AXIN1: variants seen among roughly 807,000 people sequenced by gnomAD.
AXIN1 encodes the protein axin-1.
In AXIN1, 30 loss-of-function variants were observed where a neutral mutation model predicts 76.4. The observed-to-expected ratio is 0.39, with a 90% CI of 0.29 to 0.53. The LOEUF is 0.53. Among genes scored for constraint, AXIN1 ranks in the 20% least tolerant of loss-of-function variants. The probability of loss-of-function intolerance (pLI) is 0.66; values close to 1 mark genes in which losing one functional copy is unlikely to be tolerated. For synonymous variants in AXIN1, 545 were observed against 501.4 expected (o/e 1.09, Z -1.16); for missense variants, 1,140 against 1,198.8 (o/e 0.95, Z 0.72).
At chr16:344,741 G>T (rs958706730) in intron 2 of AXIN1, among the ~76,000 whole-genome samples, 1 of 152,044 alleles carries the variant, frequency 6.6e-6, no homozygotes, top group Non-Finnish European at 1.5e-5. Flanking sequence ...CGCCCGCCTC[G>T]GCCTCCCAAA....
chr16:343,325 C>T (rs1366090812), intron 2 of AXIN1, among the ~76,000 whole-genome samples: 1 of 152,238 alleles, frequency 6.6e-6, no homozygotes, highest in Non-Finnish European at 1.5e-5. Flanking sequence ...GGGAGGGAGG[C>T]ACTGGGGTTC....
intron 9 of AXIN1, 109 bp downstream of exon 9, chr16:291,081 G>T (rs1016737189): frequency 2.9e-6 from 3 of 1,023,566 alleles, no homozygotes; most frequent in African/African-American, 3.2e-5. Context: ...CTGCTTCTGA[G>T]CGTGGTACCC....
chr16:325,749 G>A (rs554949316), intron 2 of AXIN1, among the ~76,000 whole-genome samples: 30 of 152,284 alleles, frequency 2.0e-4, no homozygotes, highest in African/African-American at 7.0e-4. Context: ...TCCCCAACAC[G>A]GCACCTTGCT....
At chr16:314,909 C>A (rs2053265747) in intron 2 of AXIN1, among the ~76,000 whole-genome samples, 1 of 152,224 alleles carries the variant, frequency 6.6e-6, no homozygotes, top group African/African-American at 2.4e-5. Context: ...CCAGATCTCT[C>A]CTCTGATTTT....
chr16:298,762 T>A (rs1004242303), intron 5 of AXIN1, among the ~76,000 whole-genome samples: 1 of 151,492 alleles, frequency 6.6e-6, no homozygotes, highest in African/African-American at 2.4e-5. Context: ...CTGCCTGCCT[T>A]GGCCTGTATA....
rs1219091123 is a variant in AXIN1, at chr16:287,894, T to A, written c.*228A>T. 2 of 652,538 alleles carry A rather than the reference T, an allele frequency of 3.1e-6. No homozygotes were observed. Among genetic ancestry groups the A allele is most frequent in the Non-Finnish European group, 2.6e-6 (1 of 379,304 alleles). The allele number at this position is 652,538 out of a possible 1,614,324, so 40.4% of individuals were successfully genotyped here. On this transcript the variant is annotated 3_prime_UTR_variant, in exon 11 of 11. Coordinates refer to ENST00000262320, the MANE Select transcript of AXIN1 (RefSeq NM_003502.4). ...CCTCACTTGGGCTGGGCCCTCCAAG[T>A]ATTGCTATGAGGAGTGGTCCAGGCT...
At chr16:303,457 C>T (rs113262784) in intron 5 of AXIN1, among the ~76,000 whole-genome samples, 12,579 of 151,904 alleles carry the variant, frequency 0.083, 667 homozygotes, top group African/African-American at 0.15. Flanking sequence ...TCTTGGCACA[C>T]TGAAGCCTCT....
chr16:312,003 A>G (rs1381865039), intron 3 of AXIN1, among the ~76,000 whole-genome samples: 1 of 152,230 alleles, frequency 6.6e-6, no homozygotes, highest in East Asian at 1.9e-4. Context: ...TGGCTCAGCC[A>G]CGGTGGGCGT....
rs2141706051 is a variant in AXIN1, at chr16:346,703, T to C, written c.323A>G (p.Gln108Arg). ...GTCCAGCAAGTCGGCACAGCCCTCC[T>C]GCTTCAGGAAAGTCCTGAACAGGCT... Reference protein sequence around the residue: ...GISLFRTFLKQEGCADLLDFW... With the variant: ...GISLFRTFLKREGCADLLDFW... The change falls in exon 2 of 11, where the codon CAG becomes CGG. Residue 108 changes from glutamine (Q) to arginine (R), a missense_variant. Physicochemically the swap from Gln to Arg is conservative, Grantham distance 43 (BLOSUM62 1). Around this residue, in one of 3 missense-constraint regions of AXIN1, gnomAD observed 708 missense variants for 776.9 expected, o/e 0.91. Coordinates refer to ENST00000262320, the MANE Select transcript of AXIN1 (RefSeq NM_003502.4). 1 of 1,573,262 alleles carries C rather than the reference T, an allele frequency of 6.4e-7. No homozygotes were observed. The highest frequency in any genetic ancestry group is 8.6e-7 in the Non-Finnish European group (1 of 1,159,142).
At chr16:332,067 T>C (rs990491728) in intron 2 of AXIN1, among the ~76,000 whole-genome samples, 2 of 152,160 alleles carry the variant, frequency 1.3e-5, no homozygotes, top group African/African-American at 4.8e-5. Context: ...GGCTCGCGGA[T>C]GGCCTGACGC....
chr16:301,107 A>G (rs2052858507), intron 5 of AXIN1, among the ~76,000 whole-genome samples: 1 of 151,946 alleles, frequency 6.6e-6, no homozygotes. Context: ...CGTCTCTACT[A>G]AAAATACAAA....
intron 2 of AXIN1, among the ~76,000 whole-genome samples, chr16:331,607 G>A (rs530688270): frequency 2.3e-4 from 35 of 152,278 alleles, no homozygotes; most frequent in African/African-American, 7.7e-4. Context: ...TCCTATCAGC[G>A]TATAGAATGC....
At position 298,160 on chromosome 16, in the gene AXIN1, G is replaced by T; in HGVS notation, c.1346C>A (p.Pro449His). Reference sequence around the variant, plus strand: ...GGCACAGCCCATGTCCACACAGCGGGGCGGGAAGTGGTGCCAAGCGGGGGC... The same window carrying T: ...GGCACAGCCCATGTCCACACAGCGGTGCGGGAAGTGGTGCCAAGCGGGGGC... ...PPAPAWHHFP[P>H]RCVDMGCAGL... Residue 449 changes from proline (P) to histidine (H), a missense_variant, in exon 6 of 11, where the codon CCC (proline) becomes CAC (histidine). Around this residue, in one of 3 missense-constraint regions of AXIN1, gnomAD observed 708 missense variants for 776.9 expected, o/e 0.91. Coordinates refer to ENST00000262320, the MANE Select transcript of AXIN1 (RefSeq NM_003502.4). 1 of 1,543,240 alleles carries T rather than the reference G, an allele frequency of 6.5e-7. No individual in the cohort carries two copies. Among genetic ancestry groups the T allele is most frequent in the Non-Finnish European group, 8.7e-7 (1 of 1,147,558 alleles).
At chr16:300,548 C>T (rs1567268555) in intron 5 of AXIN1, among the ~76,000 whole-genome samples, 5 of 152,166 alleles carry the variant, frequency 3.3e-5, no homozygotes, top group South Asian at 2.1e-4. Context: ...TAGCACCCAA[C>T]TCTCACACCT....
At chr16:309,017 C>T (rs190981247) in intron 4 of AXIN1, among the ~76,000 whole-genome samples, 40 of 152,252 alleles carry the variant, frequency 2.6e-4, no homozygotes, top group African/African-American at 7.0e-4. Flanking sequence ...CAGATGGTCA[C>T]GTGGTTTAAC....
chr16:298,583 C>A (rs1390916872), intron 5 of AXIN1, among the ~76,000 whole-genome samples: 1 of 152,224 alleles, frequency 6.6e-6, no homozygotes, highest in Non-Finnish European at 1.5e-5. Context: ...TCTCAGCTCA[C>A]TGCAGCCTCC....
At chr16:324,662 T>G (rs571979277) in intron 2 of AXIN1, among the ~76,000 whole-genome samples, 4 of 152,342 alleles carry the variant, frequency 2.6e-5, no homozygotes, top group African/African-American at 9.6e-5. Flanking sequence ...ATCCCTGTTT[T>G]GACAAGCTAA....
At chr16:320,735 A>ATTTTTTTTT (rs1418979467) in intron 2 of AXIN1, among the ~76,000 whole-genome samples, 2 of 76,202 alleles carry the variant, frequency 2.6e-5, no homozygotes, top group African/African-American at 1.6e-4. Context: ...ATATATATAT[A>ATTTTTTTTT]TATATATATT....
Position 298,021 on chromosome 16 carries a change from G to A in AXIN1, c.1485C>T (p.Asp495=), listed in dbSNP as rs146947903. 6.3e-7 allele frequency: 1 copy of A among 1,595,250 alleles called. No homozygotes were observed. Among genetic ancestry groups the A allele is most frequent in the Non-Finnish European group, 8.5e-7 (1 of 1,176,464 alleles). ...QSPGPGHRSP[D]SGHVAKMPVA... ...CTGGCATCTTGGCCACGTGCCCACT[G>A]TCCGGGGAGCGATGGCCAGGCCCAG... Residue 495 remains aspartate, a synonymous_variant, in exon 6 of 11, where the codon GAC becomes GAT. Transcript: ENST00000262320.
Sources: allele counts gnomAD v4.1 joint callset (sites outside exome capture counted in the v4.1 genomes callset), GRCh38; gene constraint gnomAD v4.1.1; regional missense constraint gnomAD v4.1.1; transcripts MANE v1.5; gene names NCBI Gene and HGNC (gene_info 2026-07-23, HGNC 2026-07-21).